Variants in DHRSX observed in about 807,000 individuals in gnomAD.
DHRSX encodes dehydrogenase/reductase X-linked.
DHRSX carries 31 observed loss-of-function variants against 34.0 expected under a neutral mutation model. The observed-to-expected ratio is 0.91, with a 90% CI of 0.69 to 1.23. The LOEUF is 1.23. DHRSX is among the 50% of genes most tolerant of loss of function. The pLI is 0.00. For synonymous variants in DHRSX, 201 were observed against 183.8 expected, an observed-to-expected ratio of 1.09 and a Z score of -0.76; for missense variants, 414 against 428.1, an observed-to-expected ratio of 0.97 and a Z score of 0.29.
chrX:2,409,560 G>A (rs1280424846), intron 2 of DHRSX, among the ~76,000 whole-genome samples: 3 of 152,094 alleles, frequency 2.0e-5, no homozygotes, highest in African/African-American at 7.2e-5. Flanking sequence ...TTGGCTGTGT[G>A]CTCAGGATTT....
chrX:2,460,327 C>T (rs187370829), intron 1 of DHRSX, among the ~76,000 whole-genome samples: 4 of 152,192 alleles, frequency 2.6e-5, no homozygotes, highest in Non-Finnish European at 4.4e-5. Flanking sequence ...TGCACTGAGC[C>T]GGCTCCCCAT....
chrX:2,269,896 G>C (rs908825889), intron 4 of DHRSX, among the ~76,000 whole-genome samples: 12 of 152,100 alleles, frequency 7.9e-5, no homozygotes, highest in Non-Finnish European at 1.2e-4. Context: ...GTTTCTGTAT[G>C]TATTTGTGTA....
chrX:2,419,067 C>T (rs1289047469), intron 2 of DHRSX, among the ~76,000 whole-genome samples: 2 of 152,138 alleles, frequency 1.3e-5, no homozygotes, highest in Non-Finnish European at 2.9e-5. Context: ...CATCTAAACC[C>T]AATCCTTTTG....
At chrX:2,333,476 G>A (rs2042508858) in intron 3 of DHRSX, among the ~76,000 whole-genome samples, 1 of 152,060 alleles carries the variant, frequency 6.6e-6, no homozygotes, top group Non-Finnish European at 1.5e-5. Context: ...GTGCAATGGT[G>A]CGATCCCGGC....
Position 2,243,168 on chromosome X carries a change from T to G in DHRSX, c.659A>C (p.Tyr220Ser), listed in dbSNP as rs768574264. The G allele has an allele frequency of 6.2e-7, 1 of 1,613,900 alleles. No individual in the cohort carries two copies. The highest frequency in any genetic ancestry group is 8.5e-7 in the Non-Finnish European group (1 of 1,179,864). Residue 220 changes from tyrosine to serine, a missense_variant, in exon 6 of 7, where the codon TAC becomes TCC. By Grantham distance (144) the Tyr-to-Ser change is moderately radical. Transcript: ENST00000334651. ...QSKLALVLFT[Y>S]HLQRLLAAEG... ...AGCCGCCAGCAGCCGCTGGAGGTGG[T>G]AGGTGAACAGGACAAGGGCCAGCTT...
At chrX:2,247,272 T>A (rs2016320138) in intron 5 of DHRSX, among the ~76,000 whole-genome samples, 1 of 151,818 alleles carries the variant, frequency 6.6e-6, no homozygotes, top group South Asian at 2.1e-4. Flanking sequence ...CTAAACCTCC[T>A]CTCCCTGTTA....
At chrX:2,417,822 T>C (rs1289833055) in intron 2 of DHRSX, among the ~76,000 whole-genome samples, 1 of 151,246 alleles carries the variant, frequency 6.6e-6, no homozygotes, top group East Asian at 2.0e-4. Context: ...TCCAACAAGA[T>C]TTCATCACAT....
chrX:2,243,419 A>G (rs140495201), intron 5 of DHRSX, among the ~76,000 whole-genome samples, 189 bp from the exon 6 acceptor site: 3,191 of 152,238 alleles, frequency 0.021, 110 homozygotes, highest in African/African-American at 0.071. Flanking sequence ...TCACCTTTTT[A>G]TTATAAACTC....
At chrX:2,469,130 A>T (rs1231302129) in intron 1 of DHRSX, among the ~76,000 whole-genome samples, 2 of 151,486 alleles carry the variant, frequency 1.3e-5, no homozygotes, top group Admixed American at 6.6e-5. Flanking sequence ...TTCCCTAACA[A>T]TGCGCCCAAG....
chrX:2,382,471 C>G (rs979551501), intron 3 of DHRSX, among the ~76,000 whole-genome samples: 1 of 151,218 alleles, frequency 6.6e-6, no homozygotes, highest in African/African-American at 2.4e-5. Flanking sequence ...ACCACCATCA[C>G]CAACATCATA....
At chrX:2,409,709 G>A (rs2043602066) in intron 2 of DHRSX, among the ~76,000 whole-genome samples, 1 of 151,724 alleles carries the variant, frequency 6.6e-6, no homozygotes, top group African/African-American at 2.4e-5. Flanking sequence ...AATGTTAATT[G>A]GGTTTTTTTG....
intron 3 of DHRSX, among the ~76,000 whole-genome samples, chrX:2,306,616 CTAATTTT>C (rs1230937360): frequency 6.6e-6 from 1 of 151,996 alleles, no homozygotes; most frequent in Non-Finnish European, 1.5e-5. Flanking sequence ...CCACGCCTGG[CTAATTTT>C]TGTATTTGTA....
chrX:2,230,396 A>G (rs181732196), intron 6 of DHRSX, among the ~76,000 whole-genome samples: 1 of 152,148 alleles, frequency 6.6e-6, no homozygotes, highest in African/African-American at 2.4e-5. Flanking sequence ...CACACACACA[A>G]ACCTGCTCTT....
chrX:2,482,313 G>A (rs1232349181), intron 1 of DHRSX, among the ~76,000 whole-genome samples: 2 of 151,838 alleles, frequency 1.3e-5, no homozygotes, highest in African/African-American at 2.4e-5. Flanking sequence ...ATTGTTACTA[G>A]AGACAAGGTC....
At chrX:2,223,893 C>A (rs1298383253) in intron 6 of DHRSX, among the ~76,000 whole-genome samples, 1 of 152,164 alleles carries the variant, frequency 6.6e-6, no homozygotes, top group Non-Finnish European at 1.5e-5. Flanking sequence ...CCAAGCACTG[C>A]AGCTGTGAAT....
intron 1 of DHRSX, chrX:2,489,148 G>T (rs149923435): frequency 6.2e-7 from 1 of 1,613,518 alleles, no homozygotes; most frequent in South Asian, 1.1e-5. Context: ...GAGGCTCCTC[G>T]GGCACCGGGA....
chrX:2,444,794 C>G (rs1230380763), intron 1 of DHRSX, among the ~76,000 whole-genome samples: 1 of 151,462 alleles, frequency 6.6e-6, no homozygotes, highest in Non-Finnish European at 1.5e-5. Flanking sequence ...ATGATCATGC[C>G]ACTGCACTCT....
intron 3 of DHRSX, among the ~76,000 whole-genome samples, chrX:2,311,878 C>T (rs964593782): frequency 1.3e-5 from 2 of 152,100 alleles, no homozygotes; most frequent in African/African-American, 4.8e-5. Flanking sequence ...AAAGAAGTTA[C>T]CAAGGGTCTA....
intron 3 of DHRSX, among the ~76,000 whole-genome samples, chrX:2,401,514 G>A (rs1237368764): frequency 6.6e-6 from 1 of 152,176 alleles, no homozygotes. Context: ...CACAGCACGT[G>A]TCTAGTCTGA....
Sources: allele counts gnomAD v4.1 joint callset (sites outside exome capture counted in the v4.1 genomes callset), GRCh38; gene constraint gnomAD v4.1.1; transcripts MANE v1.5; gene names NCBI Gene and HGNC (gene_info 2026-07-23, HGNC 2026-07-21).